Variants in CHODL observed in about 807,000 individuals in gnomAD.
CHODL encodes chondrolectin, also known as transmembrane protein MT75.
In CHODL, 29 loss-of-function variants were observed where a neutral mutation model predicts 34.5. The observed-to-expected ratio is 0.84, with a 90% confidence interval of 0.63 to 1.15. The LOEUF (loss-of-function observed/expected upper bound fraction) is 1.15. Among genes scored for constraint, CHODL ranks in the 50% most tolerant of loss-of-function variants. The probability of loss-of-function intolerance (pLI) is 0.00; values close to 1 mark genes in which losing one functional copy is unlikely to be tolerated. For synonymous variants in CHODL, 125 were observed against 116.1 expected, an observed-to-expected ratio of 1.08 and a Z score of -0.49; for missense variants, 332 against 332.5, an observed-to-expected ratio of 1.00 and a Z score of 0.01.
At chr21:18,178,404 C>G (rs1020272881) in intron 2 of CHODL, among the ~76,000 whole-genome samples, 1 of 152,082 alleles carries the variant, frequency 6.6e-6, no homozygotes, top group Non-Finnish European at 1.5e-5. Context: ...CTCATAACTA[C>G]AGTTGACCAC....
At chr21:17,970,577 C>T in intron 1 of CHODL, among the ~76,000 whole-genome samples, 1 of 152,072 alleles carries the variant, frequency 6.6e-6, no homozygotes, top group East Asian at 1.9e-4. Context: ...GACATCATTA[C>T]TATGCATTTT....
intron 1 of CHODL, among the ~76,000 whole-genome samples, chr21:18,252,638 A>G (rs2074271707): frequency 6.6e-6 from 1 of 152,158 alleles, no homozygotes; most frequent in African/African-American, 2.4e-5. Context: ...AAAGAAATTC[A>G]GTGTCAGCTT....
At chr21:18,171,198 GTT>G (rs1177005708) in intron 2 of CHODL, among the ~76,000 whole-genome samples, 2 of 37,082 alleles carry the variant, frequency 5.4e-5, no homozygotes, top group African/African-American at 1.4e-4. Flanking sequence ...GTTTTCTTTA[GTT>G]TTTTTTTTTT....
chr21:18,146,125 G>A (rs950925833), intron 2 of CHODL, among the ~76,000 whole-genome samples: 33 of 147,698 alleles, frequency 2.2e-4, no homozygotes, highest in African/African-American at 8.2e-4. Flanking sequence ...CCGCCACCAC[G>A]CCCGGTTAAT....
intron 1 of CHODL, among the ~76,000 whole-genome samples, chr21:17,940,679 T>C (rs1002822962): frequency 6.6e-6 from 1 of 152,218 alleles, no homozygotes; most frequent in Non-Finnish European, 1.5e-5. Flanking sequence ...GTTTCTTATA[T>C]GCACAAAAAT....
At position 17,965,884 on chromosome 21, in the gene CHODL, G is replaced by A. The variant is rs1005790917; in HGVS notation, c.-145+48484G>A. 7.5e-5 allele frequency among the ~76,000 whole-genome samples: 11 copies of A among 146,752 alleles called. No homozygotes were observed. The South Asian group carries it at 8.7e-4, about 12-fold the overall frequency. On this transcript the variant is annotated intron_variant, in intron 1 of 6. Transcript: ENST00000400127. ...CTTAATTGTTCTATTGAATGACAGCGTTATAAATACCTATCAAGAGAAGGT... is the reference window on the plus strand; with the variant it reads ...CTTAATTGTTCTATTGAATGACAGCATTATAAATACCTATCAAGAGAAGGT...
Position 18,244,911 on chromosome 21 carries a change from C to A in CHODL, c.-313C>A. ...GAGGCCGGGGAAGAGAAGCAAAGCG[C>A]AACGGTGTGGTCCAAGCCGGGGCTT... On this transcript the variant is annotated 5_prime_UTR_variant, in exon 1 of 6. Transcript: ENST00000299295. The A allele has an allele frequency of 6.2e-6, 2 of 321,086 alleles. No individual in the cohort carries two copies. The highest frequency in any genetic ancestry group is 5.7e-6 in the Non-Finnish European group (1 of 176,882). 19.9% of individuals were successfully genotyped at this position (321,086 alleles called of 1,614,324 possible).
chr21:18,149,835 G>A (rs112626447), intron 2 of CHODL, among the ~76,000 whole-genome samples: 8 of 152,228 alleles, frequency 5.3e-5, no homozygotes, highest in Admixed American at 1.3e-4. Flanking sequence ...ACTGGACGGC[G>A]CATAAACAAT....
intron 1 of CHODL, among the ~76,000 whole-genome samples, chr21:17,943,382 A>G (rs2063381273): frequency 6.6e-6 from 1 of 152,228 alleles, no homozygotes; most frequent in African/African-American, 2.4e-5. Flanking sequence ...AAAAGTTCCC[A>G]CAGTTGCATA....
intron 2 of CHODL, among the ~76,000 whole-genome samples, chr21:18,155,076 A>G (rs2073018900): frequency 6.6e-6 from 1 of 152,184 alleles, no homozygotes. Context: ...TGTACTGTAA[A>G]TTAGCTTATA....
intron 2 of CHODL, among the ~76,000 whole-genome samples, chr21:18,119,482 G>A (rs1415176146): frequency 1.1e-4 from 16 of 152,048 alleles, no homozygotes; most frequent in Non-Finnish European, 1.5e-5. Flanking sequence ...CCAATAAAGG[G>A]GTTGCTTATC....
At chr21:18,090,746 A>AC (rs71189584) in intron 2 of CHODL, among the ~76,000 whole-genome samples, 3 of 139,942 alleles carry the variant, frequency 2.1e-5, no homozygotes, top group African/African-American at 7.6e-5. Context: ...AAAAAAAAAA[A>AC]CTAAGGCAGG....
At chr21:18,208,080 G>A (rs373631436) in intron 2 of CHODL, among the ~76,000 whole-genome samples, 23 of 151,394 alleles carry the variant, frequency 1.5e-4, no homozygotes, top group African/African-American at 5.6e-4. Context: ...TCCTCTTTAA[G>A]GTGTATAACT....
Position 17,936,797 on chromosome 21 carries a change from C to T in CHODL, c.-145+19397C>T, listed in dbSNP as rs372596472. On this transcript the variant is annotated intron_variant, in intron 1 of 6. Transcript: ENST00000400127. ...CTATTAAAATTTTAGAAGGAAGGGC[C>T]GGGCGTGGTGGCTCACGCCTTTAAT... is the stretch of plus-strand genomic sequence containing the variant. 1.6e-4 allele frequency among the ~76,000 whole-genome samples: 24 copies of T among 152,160 alleles called. No individual in the cohort carries two copies. The South Asian group carries it at 3.1e-3, about 20-fold the overall frequency.
chr21:18,160,065 A>G (rs1184158653), intron 2 of CHODL, among the ~76,000 whole-genome samples: 1 of 152,254 alleles, frequency 6.6e-6, no homozygotes, highest in Non-Finnish European at 1.5e-5. Flanking sequence ...ATAATCTGTT[A>G]TAGTAGCAAC....
chr21:18,036,061 G>T (rs1350335360), intron 2 of CHODL, among the ~76,000 whole-genome samples: 2 of 151,842 alleles, frequency 1.3e-5, no homozygotes, highest in Non-Finnish European at 2.9e-5. Context: ...CTTTATTCTG[G>T]GATGCAGTTA....
intron 2 of CHODL, among the ~76,000 whole-genome samples, chr21:18,083,898 G>T (rs774853281): frequency 6.6e-6 from 1 of 152,174 alleles, no homozygotes; most frequent in Non-Finnish European, 1.5e-5. Flanking sequence ...TTAGGTTAAT[G>T]CTGGAATGAG....
intron 2 of CHODL, among the ~76,000 whole-genome samples, chr21:18,195,975 A>G (rs143951666): frequency 1.2e-3 from 190 of 152,312 alleles, no homozygotes; most frequent in African/African-American, 4.4e-3. Flanking sequence ...GACCATGGTG[A>G]ACATCATGTG....
intron 2 of CHODL, among the ~76,000 whole-genome samples, chr21:18,176,276 A>T (rs1260196293): frequency 6.6e-6 from 1 of 152,136 alleles, no homozygotes; most frequent in African/African-American, 2.4e-5. Flanking sequence ...GAGGTCAGCT[A>T]CTCTAGGTCC....
Sources: allele counts gnomAD v4.1 joint callset (sites outside exome capture counted in the v4.1 genomes callset), GRCh38; gene constraint gnomAD v4.1.1; transcripts MANE v1.5; gene names NCBI Gene and HGNC (gene_info 2026-07-23, HGNC 2026-07-21).